Variants in CD8B observed in about 807,000 individuals in gnomAD.
The protein encoded by CD8B is T-cell surface glycoprotein CD8 beta chain.
Under a neutral mutation model 24.2 loss-of-function variants are expected in CD8B, and 6 were observed. The ratio of observed to expected loss-of-function variants is 0.25; its 90% CI spans 0.14 to 0.49. The LOEUF (loss-of-function observed/expected upper bound fraction) is 0.49. Ranked by LOEUF, CD8B falls within the 20% of genes least tolerant of loss-of-function variation. The pLI, the probability that CD8B is intolerant of heterozygous loss-of-function variation, is 0.98. For synonymous variants in CD8B, 84 were observed against 108.3 expected, an observed-to-expected ratio of 0.78 and a Z score of 1.39; for missense variants, 196 against 271.3, an observed-to-expected ratio of 0.72 and a Z score of 1.95.
In CD8B at chr2:86,839,956, C is replaced by A. The variant is rs1558755191; in HGVS notation, c.*2351G>T. 6.6e-6 allele frequency among the ~76,000 whole-genome samples: 1 copy of A among 152,314 alleles called. No individual in the cohort carries two copies. The highest frequency in any genetic ancestry group is 2.4e-5 in the African/African-American group (1 of 41,584). On this transcript the variant is annotated 3_prime_UTR_variant, in exon 6 of 6. Coordinates refer to ENST00000390655, the MANE Select transcript of CD8B (RefSeq NM_004931.5). ...ACCCCAATTCTTTCACCCCTCCCCT[C>A]AGCCTTGGAAGGCAGCCTGTCCCTT...
downstream of CD8B, among the ~76,000 whole-genome samples, chr2:86,836,035 G>A (rs1003766458): frequency 7.2e-5 from 11 of 151,914 alleles, no homozygotes; most frequent in East Asian, 2.0e-4. Context: ...TGTTGAACTT[G>A]GTTCTCTAAG....
chr2:86,837,604 G>T (rs895509415), downstream of CD8B, among the ~76,000 whole-genome samples: 1 of 149,032 alleles, frequency 6.7e-6, no homozygotes, highest in African/African-American at 2.5e-5. Flanking sequence ...CAGCTTTGCA[G>T]CCCACGCGGG....
At chr2:86,821,876 G>C in intron 5 of CD8B, 1 of 259,870 alleles carries the variant, frequency 3.8e-6, no homozygotes, top group South Asian at 3.4e-5. Context: ...GCTCCAGCTC[G>C]TTCTGCCTTC....
downstream of CD8B, among the ~76,000 whole-genome samples, chr2:86,833,969 T>C (rs1675064249): frequency 6.6e-6 from 1 of 152,152 alleles, no homozygotes. Flanking sequence ...TTTTAAGTCA[T>C]TCTTTTGATG....
intron 5 of CD8B, among the ~76,000 whole-genome samples, chr2:86,828,088 A>T (rs1464133961): frequency 6.6e-6 from 1 of 152,202 alleles, no homozygotes; most frequent in East Asian, 1.9e-4. Flanking sequence ...TGCTTATAAA[A>T]TGGCAAGAGT....
intron 2 of CD8B, among the ~76,000 whole-genome samples, chr2:86,853,303 G>T (rs547646832): frequency 1.3e-5 from 2 of 151,690 alleles, no homozygotes; most frequent in Non-Finnish European, 3.0e-5. Context: ...TTAGCCAGGC[G>T]TGGTGGCATA....
rs554673770 is a variant in CD8B, at chr2:86,839,507, A to G, written c.*2800T>C. ...GCCCTATAGAGTGTAGTAGCAGCTC[A>G]GCTCCTTCTTCAAACAAAGGTCAGG... On this transcript the variant is annotated 3_prime_UTR_variant, in exon 6 of 6. Coordinates refer to ENST00000390655, the MANE Select transcript of CD8B (RefSeq NM_004931.5). Among the ~76,000 whole-genome samples the G allele has an allele frequency of 1.1e-4, 17 of 152,240 alleles. No individual in the cohort carries two copies. The highest frequency in any genetic ancestry group is 1.7e-4 in the African/African-American group (7 of 41,464).
At chr2:86,825,304 C>A (rs900313595) in intron 5 of CD8B, among the ~76,000 whole-genome samples, 2 of 152,124 alleles carry the variant, frequency 1.3e-5, no homozygotes, top group African/African-American at 4.8e-5. Context: ...TCTGACTCCC[C>A]CCTACTGGGG....
intron 3 of CD8B, among the ~76,000 whole-genome samples, chr2:86,847,915 A>G (rs1675765527): frequency 6.6e-6 from 1 of 152,130 alleles, no homozygotes; most frequent in South Asian, 2.1e-4. Flanking sequence ...ATACTGTACA[A>G]ATTGTTCTTT....
chr2:86,823,868 A>T (rs975252443), intron 5 of CD8B, among the ~76,000 whole-genome samples: 6 of 152,116 alleles, frequency 3.9e-5, no homozygotes, highest in Non-Finnish European at 8.8e-5. Context: ...GGCCTCCTGG[A>T]CAGGCTGCAT....
chr2:86,823,743 A>G (rs1435479163), intron 5 of CD8B, among the ~76,000 whole-genome samples: 1 of 152,110 alleles, frequency 6.6e-6, no homozygotes, highest in Non-Finnish European at 1.5e-5. Context: ...CAAGAAGCAC[A>G]TGTGGTCTCT....
intron 3 of CD8B, among the ~76,000 whole-genome samples, chr2:86,848,701 A>T (rs866669276): frequency 2.4e-4 from 14 of 58,864 alleles, no homozygotes; most frequent in Non-Finnish European, 2.4e-4. Flanking sequence ...GTATTTTTAA[A>T]TTATTTATTT....
chr2:86,822,364 G>A lies in CD8B; in HGVS notation c.621-6646C>T, dbSNP rs545810678. Reference sequence around the variant, plus strand: ...ATTCTGGAACATTTCTCCAGTGGATGTAATCTTAGTCTTGGCACAATAGAG... The same window carrying A: ...ATTCTGGAACATTTCTCCAGTGGATATAATCTTAGTCTTGGCACAATAGAG... On this transcript the variant is annotated intron_variant, in intron 5 of 5. Transcript: ENST00000331469. 34 of 1,581,758 alleles carry A rather than the reference G, an allele frequency of 2.1e-5. No homozygotes were observed. The South Asian group carries it at 3.4e-4, about 16-fold the overall frequency.
Position 86,841,836 on chromosome 2 carries a change from C to T in CD8B, c.*471G>A. 6.1e-6 allele frequency: 6 copies of T among 986,184 alleles called. No homozygotes were observed. Among genetic ancestry groups the T allele is most frequent in the Non-Finnish European group, 7.2e-6 (6 of 830,526 alleles). 61.1% of individuals were successfully genotyped at this position (986,184 alleles called of 1,614,324 possible). ...CCCTCTCAGCAAGCCTCATTCCCAA[C>T]CTGCACCTGGCCTCTCTGCGAGGAA... On this transcript the variant is annotated 3_prime_UTR_variant, in exon 6 of 6. Transcript: ENST00000390655.
rs1489995639 is a variant in CD8B, at chr2:86,831,199, G to A, written c.620+13723C>T. Among the ~76,000 whole-genome samples the A allele has an allele frequency of 3.9e-5, 6 of 152,208 alleles. 1 individual carries two copies. In the South Asian group the frequency reaches 6.2e-4, roughly 16 times the overall value. On this transcript the variant is annotated intron_variant, in intron 5 of 5. Coordinates refer to the CD8B transcript ENST00000331469. ...ATTCTCCTGCCTCAGACTTCCAATC[G>A]CTGGGATTATAGGCACCTGCCATCA...
chr2:86,822,499 G>A, intron 5 of CD8B: 1 of 595,868 alleles, frequency 1.7e-6, no homozygotes, highest in Non-Finnish European at 2.9e-6. Flanking sequence ...TTAACATGAT[G>A]ATGTTTTAGA....
At chr2:86,820,222 G>T (rs985511156) in intron 5 of CD8B, among the ~76,000 whole-genome samples, 1 of 152,228 alleles carries the variant, frequency 6.6e-6, no homozygotes, top group Non-Finnish European at 1.5e-5. Flanking sequence ...AGAAAGAGGC[G>T]TCAGTATTTG....
At chr2:86,845,920 C>T (rs1029178144) in intron 4 of CD8B, among the ~76,000 whole-genome samples, 1 of 152,134 alleles carries the variant, frequency 6.6e-6, no homozygotes, top group Non-Finnish European at 1.5e-5. Flanking sequence ...CTGTGACCTA[C>T]AAAAGTTAAG....
rs1675396865 is a variant in CD8B, at chr2:86,840,959, A to G, written c.*1348T>C. 6.6e-6 allele frequency among the ~76,000 whole-genome samples: 1 copy of G among 152,040 alleles called. No individual in the cohort carries two copies. The highest frequency in any genetic ancestry group is 1.5e-5 in the Non-Finnish European group (1 of 68,012). On this transcript the variant is annotated 3_prime_UTR_variant, in exon 6 of 6. Coordinates refer to ENST00000390655, the MANE Select transcript of CD8B (RefSeq NM_004931.5). ...GTCACAGGTAACTGAACATAACCTG[A>G]TTTGTCAATGTCCTTCTTTGAGCTG...
Sources: allele counts gnomAD v4.1 joint callset (sites outside exome capture counted in the v4.1 genomes callset), GRCh38; gene constraint gnomAD v4.1.1; transcripts MANE v1.5; gene names NCBI Gene and HGNC (gene_info 2026-07-23, HGNC 2026-07-21).